The following OPA1 variants were observed in gnomAD, a reference collection of about 807,000 sequenced individuals.
The protein encoded by OPA1 is dynamin-like GTPase OPA1, mitochondrial.
Under a neutral mutation model 152.9 loss-of-function variants are expected in OPA1, and 59 were observed. The observed-to-expected ratio is 0.39, with a 90% CI of 0.31 to 0.48. The LOEUF (loss-of-function observed/expected upper bound fraction) is 0.48. OPA1 is among the 20% of genes least tolerant of loss of function. OPA1 has a pLI of 0.96. For missense variants in OPA1, 1,008 were observed against 1,216.8 expected (o/e 0.83, Z 2.55); for synonymous variants, 400 against 389.9 (o/e 1.03, Z -0.31).
chr3:193,627,259 TC>T (rs1247778827), intron 7 of OPA1: 2 of 152,172 alleles, frequency 1.3e-5, no homozygotes, highest in Non-Finnish European at 2.9e-5. Context: ...CAGCATCACT[TC>T]CTGGTTTTTC....
Position 193,671,477 on chromosome 3 carries a change from A to G in OPA1, c.2983+4197A>G, listed in dbSNP as rs116473713. The stretch of plus-strand genomic sequence containing the variant: ...TGGAAGAGACTTAAAACTAAATGCA[A>G]TGTATGATCCTAGATTGGATCTTTT... On this transcript the variant is annotated intron_variant, in intron 29 of 30. Coordinates refer to ENST00000361510, the MANE Select transcript of OPA1 (RefSeq NM_130837.3). 4.4e-3 allele frequency among the ~76,000 whole-genome samples: 663 copies of G among 152,316 alleles called. 8 individuals are homozygous for G. Among genetic ancestry groups the G allele is most frequent in the African/African-American group, 0.015 (616 of 41,576 alleles).
intron 1 of OPA1, among the ~76,000 whole-genome samples, chr3:193,602,460 G>A (rs281799): frequency 0.15 from 22,273 of 152,142 alleles, 1,913 homozygotes; most frequent in East Asian, 0.33. Flanking sequence ...ATACTTTGGC[G>A]TAATACATTA....
chr3:193,658,845 G>C, intron 23 of OPA1, 42 bp from the exon 24 acceptor site: 2 of 1,310,052 alleles, frequency 1.5e-6, no homozygotes, highest in Non-Finnish European at 1.1e-6. Context: ...AAAATGATGA[G>C]ATGTAAAACA....
chr3:193,628,789 TA>T (rs1170144356), intron 7 of OPA1, among the ~76,000 whole-genome samples: 2 of 152,230 alleles, frequency 1.3e-5, no homozygotes, highest in Non-Finnish European at 2.9e-5. Context: ...GTTATTCTCT[TA>T]AGAAAATATA....
chr3:193,643,396 C>T lies in OPA1; in HGVS notation c.1329C>T (p.Gly443=). Residue 443 remains glycine (G), a synonymous_variant, in exon 14 of 31, where the codon GGC becomes GGT. Coordinates refer to ENST00000361510, the MANE Select transcript of OPA1 (RefSeq NM_130837.3). ...AGACCATATCCTTAAATGTAAAAGG[C>T]CCTGGACTACAGAGGATGGTGCTTG... ...SPETISLNVK[G]PGLQRMVLVD... 3 of 1,610,362 alleles carry T rather than the reference C, an allele frequency of 1.9e-6. No homozygotes were observed. The highest frequency in any genetic ancestry group is 2.5e-6 in the Non-Finnish European group (3 of 1,176,680).
chr3:193,697,331 CT>C lies in OPA1; in HGVS notation c.*2735del, dbSNP rs1472233770. The C allele has an allele frequency of 6.6e-6, 1 of 152,110 alleles. No individual in the cohort carries two copies. The highest frequency in any genetic ancestry group is 6.5e-5 in the Admixed American group (1 of 15,274). The allele number at this position is 152,110 out of a possible 1,614,324, so 9.4% of individuals were successfully genotyped here. ...GAAATGTGCTTTAAAATATGCTTAC[CT>C]TTTGAATGATCATGGCTATATGTTG... On this transcript the variant is annotated 3_prime_UTR_variant, in exon 31 of 31. Coordinates refer to ENST00000361510, the MANE Select transcript of OPA1 (RefSeq NM_130837.3).
chr3:193,654,979 C>G lies in OPA1; in HGVS notation c.2130C>G (p.Ile710Met), dbSNP rs753092180. 1 of 1,613,910 alleles carries G rather than the reference C, an allele frequency of 6.2e-7. No individual in the cohort carries two copies. The highest frequency in any genetic ancestry group is 1.1e-5 in the South Asian group (1 of 91,078). The change falls in exon 22 of 31, where the codon ATC (isoleucine) becomes ATG (methionine). Residue 710 changes from isoleucine to methionine, a missense_variant. Physicochemically the swap from Ile to Met is conservative, Grantham distance 10. Coordinates refer to ENST00000361510, the MANE Select transcript of OPA1 (RefSeq NM_130837.3). The stretch of plus-strand genomic sequence containing the variant: ...GAACTTTTAACACCACAGTGGATAT[C>G]AAGCTTAAACAGTGGACTGATAAAC... ...NSGTFNTTVD[I>M]KLKQWTDKQL...
chr3:193,609,800 A>G (rs970316923), intron 1 of OPA1, among the ~76,000 whole-genome samples: 2 of 152,132 alleles, frequency 1.3e-5, no homozygotes, highest in Non-Finnish European at 2.9e-5. Flanking sequence ...ATCTTCCATC[A>G]CTGATACCCT....
At chr3:193,680,885 A>C (rs1477651378) in intron 29 of OPA1, among the ~76,000 whole-genome samples, 1 of 152,218 alleles carries the variant, frequency 6.6e-6, no homozygotes, top group Non-Finnish European at 1.5e-5. Flanking sequence ...ATGTATCATT[A>C]ATGAGTTAAC....
chr3:193,622,226 CTTTT>C (rs758993120), intron 6 of OPA1, among the ~76,000 whole-genome samples: 13,336 of 107,158 alleles, frequency 0.12, 382 homozygotes, highest in Non-Finnish European at 0.16. Flanking sequence ...TACTCTCATT[CTTTT>C]TTTTTTTTTT....
Position 193,622,610 on chromosome 3 carries a change from C to T in OPA1, c.679-3482C>T, listed in dbSNP as rs1577182500. Among the ~76,000 whole-genome samples the T allele has an allele frequency of 2.6e-5, 4 of 152,248 alleles. No homozygotes were observed. The East Asian group carries it at 7.7e-4, about 29-fold the overall frequency. ...TCCCGCGTGTTTAGTGTTCACTCATCTTTATAGCATAGCTCAATTGTCACT... is the reference window on the plus strand; with the variant it reads ...TCCCGCGTGTTTAGTGTTCACTCATTTTTATAGCATAGCTCAATTGTCACT... On this transcript the variant is annotated intron_variant, in intron 6 of 30. Coordinates refer to ENST00000361510, the MANE Select transcript of OPA1 (RefSeq NM_130837.3).
rs367618769 is a variant in OPA1 at position 193,637,944 on chromosome 3, G to T, written c.1036-8G>T. ...AATATGAATAAGTGTTCTTTGTTTT[G>T]TGGGAAGGTTGTTGTGGTTGGAGAT... On this transcript the variant is annotated splice_polypyrimidine_tract_variant and splice_region_variant and intron_variant, in intron 10 of 30. Transcript: ENST00000361510. The T allele has an allele frequency of 3.1e-6, 5 of 1,605,756 alleles. No individual in the cohort carries two copies. The African/African-American group carries it at 6.7e-5, about 21-fold the overall frequency.
At chr3:193,668,751 C>T (rs1717267456) in intron 29 of OPA1, 3 of 1,254,344 alleles carry the variant, frequency 2.4e-6, no homozygotes. Context: ...TCCCACCCCC[C>T]TAGCTTGGCC....
chr3:193,617,126 T>C (rs1729148927), intron 3 of OPA1, 52 bp from the exon 4 acceptor site: 1 of 1,067,908 alleles, frequency 9.4e-7, no homozygotes, highest in African/African-American at 1.6e-5. Context: ...ATAAGAATAG[T>C]ATCTGACATA....
chr3:193,628,257 G>T (rs1731489382), intron 7 of OPA1, among the ~76,000 whole-genome samples: 1 of 151,772 alleles, frequency 6.6e-6, no homozygotes, highest in African/African-American at 2.4e-5. Context: ...TGTCTTATTA[G>T]TAGCAACTAA....
At chr3:193,637,129 C>G (rs1733062147) in intron 9 of OPA1, 66 bp from the exon 10 acceptor site, 4 of 806,676 alleles carry the variant, frequency 5.0e-6, no homozygotes, top group Non-Finnish European at 8.1e-6. Context: ...TTTCTCTTGA[C>G]ACATCTGTTA....
chr3:193,630,378 G>T (rs1396443294), intron 7 of OPA1, among the ~76,000 whole-genome samples: 11 of 152,120 alleles, frequency 7.2e-5, no homozygotes, highest in Admixed American at 7.2e-4. Context: ...AAAAAAGAGT[G>T]TACCTTTTGT....
intron 10 of OPA1, 90 bp downstream of exon 10, chr3:193,637,371 C>T (rs1160624558): frequency 1.7e-5 from 12 of 714,348 alleles, no homozygotes; most frequent in Non-Finnish European, 3.0e-5. Context: ...TGTACACATA[C>T]ACATATATAC....
intron 18 of OPA1, among the ~76,000 whole-genome samples, chr3:193,646,015 A>G (rs191249037): frequency 4.9e-4 from 75 of 152,268 alleles, no homozygotes; most frequent in Admixed American, 3.2e-3. Flanking sequence ...ACATACTGGC[A>G]TGCTTCCTTG....
Sources: allele counts gnomAD v4.1 joint callset (sites outside exome capture counted in the v4.1 genomes callset), GRCh38; gene constraint gnomAD v4.1.1; transcripts MANE v1.5; gene names NCBI Gene and HGNC (gene_info 2026-07-23, HGNC 2026-07-21).